The following OSBPL3 variants were observed in gnomAD, a reference collection of about 807,000 sequenced individuals.
The protein encoded by OSBPL3 is oxysterol binding protein like 3, also known as oxysterol-binding protein-related protein 3.
In OSBPL3, 65 loss-of-function variants were observed where a neutral mutation model predicts 120.1. The ratio of observed to expected loss-of-function variants is 0.54; its 90% confidence interval spans 0.44 to 0.67. OSBPL3 has a LOEUF of 0.67. Ranked by LOEUF, OSBPL3 falls within the 30% of genes least tolerant of loss-of-function variation. The pLI is 0.00. For missense variants in OSBPL3, 1,004 were observed against 1,082.1 expected (o/e 0.93, Z 1.01); for synonymous variants, 416 against 402.6 (o/e 1.03, Z -0.40).
Position 24,830,677 on chromosome 7 carries a change from A to G in OSBPL3, c.1884+91T>C, listed in dbSNP as rs776739553. 4.1e-6 allele frequency: 5 copies of G among 1,229,886 alleles called. No homozygotes were observed. Among genetic ancestry groups the G allele is most frequent in the Non-Finnish European group, 5.7e-6 (5 of 876,802 alleles). The allele number at this position is 1,229,886 out of a possible 1,614,324, so 76.2% of individuals were successfully genotyped here. A position where few individuals can be genotyped will look rare whatever the true frequency, so the allele number is the denominator to read the frequency against. On this transcript the variant is annotated intron_variant, in intron 16 of 22. Transcript: ENST00000313367. The surrounding 1 kb of genome is among the most constrained non-coding windows in gnomAD (Gnocchi z 4.4). ...TAATTATCTCGGCTGCTTTGAAGCC[A>G]GTGAAAGGTGGAAGATAAATATTTC... is the stretch of plus-strand genomic sequence containing the variant.
chr7:24,909,226 A>G (rs1242333721), intron 1 of OSBPL3, among the ~76,000 whole-genome samples: 1 of 152,208 alleles, frequency 6.6e-6, no homozygotes, highest in Non-Finnish European at 1.5e-5. Context: ...CTTTAATAAT[A>G]GAACTCTCGA....
intron 1 of OSBPL3, among the ~76,000 whole-genome samples, chr7:24,970,349 G>A (rs1816869036): frequency 6.6e-6 from 1 of 152,002 alleles, no homozygotes; most frequent in Non-Finnish European, 1.5e-5. Context: ...CAGGTGATCT[G>A]CCTGCCTCAG....
intron 1 of OSBPL3, among the ~76,000 whole-genome samples, chr7:24,973,207 T>C (rs1817219916): frequency 6.6e-6 from 1 of 152,188 alleles, no homozygotes; most frequent in Admixed American, 6.5e-5. Context: ...ACTAAGATTG[T>C]TCATCCAGCC....
intron 12 of OSBPL3, among the ~76,000 whole-genome samples, chr7:24,847,695 A>C (rs924173886): frequency 6.6e-6 from 1 of 152,210 alleles, no homozygotes; most frequent in Non-Finnish European, 1.5e-5. Flanking sequence ...TTGTGATAAT[A>C]CTATTTAAAA....
At position 24,797,719 on chromosome 7, in the gene OSBPL3, T is replaced by C. The variant is rs555663054; in HGVS notation, c.*2464A>G. ...ATTTCTGTGTAATTCACCAGAAATT[T>C]TGGATGGAATAATTAGAAAAAAAAA... is the stretch of plus-strand genomic sequence containing the variant. On this transcript the variant is annotated 3_prime_UTR_variant, in exon 23 of 23. Coordinates refer to ENST00000313367, the MANE Select transcript of OSBPL3 (RefSeq NM_015550.4). This position sits in a 1 kb window ranked among gnomAD's most constrained non-coding sequence, Gnocchi z 4.8. 1.3e-5 allele frequency: 2 copies of C among 152,012 alleles called. No individual in the cohort carries two copies. The highest frequency in any genetic ancestry group is 2.9e-5 in the Non-Finnish European group (2 of 68,000). The allele number at this position is 152,012 out of a possible 1,614,324, so 9.4% of individuals were successfully genotyped here.
chr7:24,907,597 C>T (rs1037664971), intron 1 of OSBPL3, among the ~76,000 whole-genome samples: 4 of 152,192 alleles, frequency 2.6e-5, no homozygotes, highest in Non-Finnish European at 5.9e-5. Context: ...CCTAGTGAGT[C>T]CTTCTTTATG....
chr7:24,865,951 CA>C (rs1801252992), intron 6 of OSBPL3, 118 bp downstream of exon 6: 1 of 745,900 alleles, frequency 1.3e-6, no homozygotes, highest in African/African-American at 1.8e-5. Context: ...AATACCAGCC[CA>C]AGCCTACCCT....
At chr7:24,870,124 A>G (rs1182913917) in intron 5 of OSBPL3, among the ~76,000 whole-genome samples, 1 of 152,234 alleles carries the variant, frequency 6.6e-6, no homozygotes, top group African/African-American at 2.4e-5. Context: ...TTAACTTGCC[A>G]AAGTTCAATG....
intron 10 of OSBPL3, among the ~76,000 whole-genome samples, chr7:24,858,545 A>C: frequency 6.6e-6 from 1 of 152,238 alleles, no homozygotes; most frequent in East Asian, 1.9e-4. Context: ...AGTGTACTGT[A>C]AAACCACAGG....
At position 24,939,013 on chromosome 7, in the gene OSBPL3, A is replaced by T. The variant is rs372234772; in HGVS notation, c.-150+40873T>A. On this transcript the variant is annotated intron_variant, in intron 1 of 22. Coordinates refer to ENST00000313367, the MANE Select transcript of OSBPL3 (RefSeq NM_015550.4). This position sits in a 1 kb window ranked among gnomAD's most constrained non-coding sequence, Gnocchi z 4.2. ...GGTAGGAATCAGTGTAGAAATAAAG[A>T]TTAAAGAATTTTTAGCACAGAGATA... is the stretch of plus-strand genomic sequence containing the variant. Among the ~76,000 whole-genome samples the T allele has an allele frequency of 6.6e-6, 1 of 152,172 alleles. No homozygotes were observed.
rs574554375 is a variant in OSBPL3 at position 24,936,274 on chromosome 7, G to A, written c.-150+43612C>T. ...AAGGAAGCTGAGACAGTGAATACAG[G>A]CTGTTACTTAGGGCTAACTTTTCCT... On this transcript the variant is annotated intron_variant, in intron 1 of 22. Coordinates refer to ENST00000313367, the MANE Select transcript of OSBPL3 (RefSeq NM_015550.4). The surrounding 1 kb of genome is among the most constrained non-coding windows in gnomAD (Gnocchi z 4.2). 1.1e-4 allele frequency among the ~76,000 whole-genome samples: 16 copies of A among 152,208 alleles called. No homozygotes were observed. Among genetic ancestry groups the A allele is most frequent in the Non-Finnish European group, 1.8e-4 (12 of 68,038 alleles).
At chr7:24,957,953 CA>C (rs145839285) in intron 1 of OSBPL3, among the ~76,000 whole-genome samples, 1,753 of 152,216 alleles carry the variant, frequency 0.012, 16 homozygotes, top group Non-Finnish European at 0.02. Context: ...TGTTCCATAT[CA>C]ATAAGGAGGA....
chr7:24,848,521 A>G (rs1445160718), intron 12 of OSBPL3, among the ~76,000 whole-genome samples: 1 of 152,220 alleles, frequency 6.6e-6, no homozygotes, highest in Non-Finnish European at 1.5e-5. Flanking sequence ...GTCTTGAAGA[A>G]AGACTTTTTT....
At chr7:24,973,755 A>G (rs915896778) in intron 1 of OSBPL3, among the ~76,000 whole-genome samples, 1 of 152,232 alleles carries the variant, frequency 6.6e-6, no homozygotes, top group Non-Finnish European at 1.5e-5. Context: ...GCATCTTTGA[A>G]AAAAATCAAT....
intron 1 of OSBPL3, among the ~76,000 whole-genome samples, chr7:24,948,875 G>A (rs778518614): frequency 1.3e-5 from 2 of 152,192 alleles, no homozygotes; most frequent in Admixed American, 6.5e-5. Flanking sequence ...TCAGTTGTTC[G>A]TAATAACAAC....
At chr7:24,974,617 A>G (rs982487379) in intron 1 of OSBPL3, among the ~76,000 whole-genome samples, 1 of 152,222 alleles carries the variant, frequency 6.6e-6, no homozygotes, top group Non-Finnish European at 1.5e-5. Context: ...TAGCAAATAG[A>G]TAAATAAAAC....
intron 19 of OSBPL3, among the ~76,000 whole-genome samples, chr7:24,812,538 A>G (rs4719782): frequency 0.74 from 112,077 of 151,874 alleles, 42,376 homozygotes; most frequent in East Asian, 0.98. Flanking sequence ...GAGCTCTAGC[A>G]CCCTAGAGTT....
In OSBPL3 at chr7:24,820,590, C is replaced by A. The variant is rs1469072106; in HGVS notation, c.1885-352G>T. ...TGCTCATCCATAACATATAATCTGA[C>A]ATTGGCTACCAATGTCAACATCTCT... On this transcript the variant is annotated intron_variant, in intron 16 of 22. Transcript: ENST00000313367. The surrounding 1 kb of genome is among the most constrained non-coding windows in gnomAD (Gnocchi z 4.6). 6.6e-6 allele frequency among the ~76,000 whole-genome samples: 1 copy of A among 152,250 alleles called. No homozygotes were observed. The highest frequency in any genetic ancestry group is 2.4e-5 in the African/African-American group (1 of 41,464).
In OSBPL3 at chr7:24,871,826, C is replaced by T. The variant is rs1285926465; in HGVS notation, c.214-31G>A. 1.1e-5 allele frequency: 17 copies of T among 1,571,392 alleles called. No homozygotes were observed. Among genetic ancestry groups the T allele is most frequent in the Non-Finnish European group, 1.5e-5 (17 of 1,142,108 alleles). The stretch of plus-strand genomic sequence containing the variant: ...GGGAAGAAAGTATTATTAATTAAGG[C>T]ATTCAATTTAGGTGCCCTTTTCTTG... On this transcript the variant is annotated intron_variant, in intron 3 of 22. Coordinates refer to ENST00000313367, the MANE Select transcript of OSBPL3 (RefSeq NM_015550.4). This position sits in a 1 kb window ranked among gnomAD's most constrained non-coding sequence, Gnocchi z 4.8.
Sources: gnomAD v4.1 joint callset for allele counts (sites outside exome capture counted in the v4.1 genomes callset) on GRCh38, gnomAD v4.1.1 for gene constraint, Gnocchi (gnomAD v3.1) non-coding constraint, MANE v1.5 for transcripts, NCBI Gene and HGNC (gene_info 2026-07-23, HGNC 2026-07-21) for gene names.